The following SPAG16 variants were observed in gnomAD, a reference collection of about 807,000 sequenced individuals.
The protein encoded by SPAG16 is sperm associated antigen 16, also known as sperm-associated antigen 16 protein.
A neutral mutation model predicts 80.4 loss-of-function variants in SPAG16; 86 were observed. The ratio of observed to expected loss-of-function variants is 1.07; its 90% CI spans 0.90 to 1.28. The LOEUF is 1.28. SPAG16 is among the 50% of genes most tolerant of loss of function. The pLI, the probability that SPAG16 is intolerant of heterozygous loss-of-function variation, is 0.00. For synonymous variants in SPAG16, 294 were observed against 265.9 expected, an observed-to-expected ratio of 1.11 and a Z score of -1.03; for missense variants, 870 against 765.3, an observed-to-expected ratio of 1.14 and a Z score of -1.61.
chr2:213,954,520 T>C (rs1183674948), intron 12 of SPAG16, among the ~76,000 whole-genome samples: 1 of 152,158 alleles, frequency 6.6e-6, no homozygotes, highest in Non-Finnish European at 1.5e-5. Flanking sequence ...TATTTTACTT[T>C]AAGTTCTGGG....
intron 10 of SPAG16, among the ~76,000 whole-genome samples, chr2:213,842,405 A>G (rs2556320): frequency 0.92 from 140,185 of 152,102 alleles, 65,703 homozygotes; most frequent in East Asian, 1. Flanking sequence ...TAAGAAATAG[A>G]ATGTGTATAT....
chr2:213,976,272 A>G lies in SPAG16; in HGVS notation c.1401-37679A>G, dbSNP rs2045397435. Among the ~76,000 whole-genome samples, 2 of 151,170 alleles carry G rather than the reference A, an allele frequency of 1.3e-5. 1 individual carries two copies. Among genetic ancestry groups the G allele is most frequent in the Admixed American group, 1.3e-4 (2 of 15,124 alleles). The stretch of plus-strand genomic sequence containing the variant: ...TACGTGTATATACACACATATACAT[A>G]TGCGTACACATGTGTGCACATATGC... On this transcript the variant is annotated intron_variant, in intron 12 of 15. Coordinates refer to ENST00000331683, the MANE Select transcript of SPAG16 (RefSeq NM_024532.5).
intron 10 of SPAG16, among the ~76,000 whole-genome samples, chr2:213,714,793 C>T (rs897739262): frequency 2.6e-5 from 4 of 152,180 alleles, no homozygotes; most frequent in Non-Finnish European, 4.4e-5. Context: ...TTAAACCCAA[C>T]GAATCTGGTA....
chr2:214,275,813 T>C (rs1010289928), intron 15 of SPAG16, among the ~76,000 whole-genome samples: 1 of 152,202 alleles, frequency 6.6e-6, no homozygotes, highest in Non-Finnish European at 1.5e-5. Flanking sequence ...TTAGGTCCAC[T>C]TGGTGCAAAG....
intron 15 of SPAG16, among the ~76,000 whole-genome samples, chr2:214,389,843 C>A (rs1037336150): frequency 6.6e-6 from 1 of 152,138 alleles, no homozygotes; most frequent in African/African-American, 2.4e-5. Flanking sequence ...TTCAAGATAC[C>A]TCATTCCATC....
At chr2:213,522,123 A>T (rs1670155575) in intron 10 of SPAG16, among the ~76,000 whole-genome samples, 1 of 152,242 alleles carries the variant, frequency 6.6e-6, no homozygotes. Flanking sequence ...GGCTGTAAGA[A>T]ATTAGCCAGG....
intron 10 of SPAG16, among the ~76,000 whole-genome samples, chr2:213,527,657 T>G (rs2075934099): frequency 6.6e-6 from 1 of 151,930 alleles, no homozygotes; most frequent in Non-Finnish European, 1.5e-5. Flanking sequence ...CCAAAAGAAA[T>G]TGCGAAAAAC....
chr2:213,337,508 C>T (rs1575249489), intron 5 of SPAG16, among the ~76,000 whole-genome samples: 2 of 152,020 alleles, frequency 1.3e-5, no homozygotes, highest in East Asian at 1.9e-4. Context: ...ACCAACATAA[C>T]TAGTATAGAG....
chr2:213,645,380 T>C (rs1252042565), intron 10 of SPAG16, among the ~76,000 whole-genome samples: 3 of 152,062 alleles, frequency 2.0e-5, no homozygotes, highest in African/African-American at 7.2e-5. Flanking sequence ...GGCCAGCAAG[T>C]CTCAGTGTCT....
chr2:214,390,361 T>C (rs1364035784), intron 15 of SPAG16, among the ~76,000 whole-genome samples: 1 of 115,898 alleles, frequency 8.6e-6, no homozygotes, highest in Non-Finnish European at 1.8e-5. Context: ...AAAAAAAAAG[T>C]CCTTTTCACT....
intron 13 of SPAG16, among the ~76,000 whole-genome samples, chr2:214,022,027 C>T (rs574024651): frequency 6.6e-6 from 1 of 152,136 alleles, no homozygotes; most frequent in African/African-American, 2.4e-5. Context: ...ATGCTTGTTC[C>T]TCTGGATTAG....
At chr2:213,905,177 A>AT (rs2106142227) in intron 11 of SPAG16, among the ~76,000 whole-genome samples, 1 of 152,242 alleles carries the variant, frequency 6.6e-6, no homozygotes, top group African/African-American at 2.4e-5. Context: ...AAGACATATG[A>AT]TTTTTACAGT....
intron 15 of SPAG16, among the ~76,000 whole-genome samples, chr2:214,400,960 C>T (rs1701672700): frequency 6.6e-6 from 1 of 151,972 alleles, no homozygotes; most frequent in Non-Finnish European, 1.5e-5. Context: ...AAAGTTAGGA[C>T]CCTTTAGCAT....
intron 15 of SPAG16, among the ~76,000 whole-genome samples, chr2:214,196,371 T>A (rs2125709221): frequency 6.6e-6 from 1 of 152,228 alleles, no homozygotes; most frequent in South Asian, 2.1e-4. Context: ...AACTTCATGA[T>A]GTTTAGATAC....
At chr2:214,213,430 G>T (rs889099504) in intron 15 of SPAG16, among the ~76,000 whole-genome samples, 2 of 152,164 alleles carry the variant, frequency 1.3e-5, no homozygotes, top group Non-Finnish European at 2.9e-5. Context: ...GTGTGAACAG[G>T]CAGGGAGCTG....
intron 13 of SPAG16, among the ~76,000 whole-genome samples, chr2:214,067,440 G>A (rs561770961): frequency 2.0e-4 from 31 of 152,248 alleles, no homozygotes; most frequent in African/African-American, 7.5e-4. Context: ...ATTTGGGGAA[G>A]AATCAGCTCT....
At chr2:213,492,516 C>T (rs2074298911) in intron 10 of SPAG16, among the ~76,000 whole-genome samples, 1 of 151,806 alleles carries the variant, frequency 6.6e-6, no homozygotes, top group Admixed American at 6.6e-5. Context: ...TGCCACTGCC[C>T]TCCAGCCTAG....
At chr2:213,639,227 A>C (rs904435273) in intron 10 of SPAG16, among the ~76,000 whole-genome samples, 6 of 152,144 alleles carry the variant, frequency 3.9e-5, no homozygotes, top group Admixed American at 1.3e-4. Context: ...GAGCATTTAG[A>C]CCATTTACAT....
intron 15 of SPAG16, among the ~76,000 whole-genome samples, chr2:214,299,038 CAAACTTTAAG>C (rs1263955928): frequency 6.6e-6 from 1 of 151,960 alleles, no homozygotes; most frequent in African/African-American, 2.4e-5. Flanking sequence ...ATTGTGAATC[CAAACTTTAAG>C]ACCCCTTGTA....
Sources: gnomAD v4.1 joint callset for allele counts (sites outside exome capture counted in the v4.1 genomes callset) on GRCh38, gnomAD v4.1.1 for gene constraint, MANE v1.5 for transcripts, NCBI Gene and HGNC (gene_info 2026-07-23, HGNC 2026-07-21) for gene names.